HYAL2: variants seen among roughly 807,000 people sequenced by gnomAD.
HYAL2 encodes hyaluronidase 2.
Under a neutral mutation model 35.4 loss-of-function variants are expected in HYAL2, and 30 were observed. The observed-to-expected ratio is 0.85, with a 90% CI of 0.63 to 1.15. The LOEUF is 1.15. Ranked by LOEUF, HYAL2 falls within the 50% of genes most tolerant of loss-of-function variation. The pLI, the probability that HYAL2 is intolerant of heterozygous loss-of-function variation, is 0.00. For missense variants in HYAL2, 635 were observed against 646.5 expected, an observed-to-expected ratio of 0.98 and a Z score of 0.19; for synonymous variants, 262 against 252.8, an observed-to-expected ratio of 1.04 and a Z score of -0.34.
At position 50,319,913 on chromosome 3, in the gene HYAL2, A is replaced by G. The variant is rs781958120; in HGVS notation, c.577T>C (p.Tyr193His). 1 of 1,613,736 alleles carries G rather than the reference A, an allele frequency of 6.2e-7. No homozygotes were observed. Among genetic ancestry groups the G allele is most frequent in the Non-Finnish European group, 8.5e-7 (1 of 1,180,040 alleles). Residue 193 changes from tyrosine to histidine, a missense_variant, in exon 2 of 4, where the codon TAT (tyrosine) becomes CAT (histidine). By Grantham distance (83) the Tyr-to-His change is moderately conservative (BLOSUM62 2). Coordinates refer to ENST00000357750, the MANE Select transcript of HYAL2 (RefSeq NM_003773.5). Reference protein sequence around the residue: ...AQQFMLETLRYVKAVRPRHLW... With the variant: ...AQQFMLETLRHVKAVRPRHLW... ...TGCCGGGGCCGCACTGCCTTGACAT[A>G]ACGCAGTGTCTCCAGCATGAACTGC...
chr3:50,319,431 G>C (rs782571151), intron 2 of HYAL2, 138 bp downstream of exon 2: 1 of 749,080 alleles, frequency 1.3e-6, no homozygotes, highest in African/African-American at 1.8e-5. Flanking sequence ...ACCCTTTCAG[G>C]TTATAGACAG....
chr3:50,319,811 AGCG>A lies in HYAL2; in HGVS notation c.676_678del (p.Arg226del). On this transcript the variant is annotated inframe_deletion, in exon 2 of 4. Transcript: ENST00000357750. ...TTGCGGGCCACCTCAACATCAGGGC[AGCG>A]GCCTGTGTAGCTCTCCCAGTTCTGC... 1 of 1,613,790 alleles carries A rather than the reference AGCG, an allele frequency of 6.2e-7. No individual in the cohort carries two copies. The highest frequency in any genetic ancestry group is 8.5e-7 in the Non-Finnish European group (1 of 1,180,030).
chr3:50,318,433 T>C lies in HYAL2; in HGVS notation c.1118A>G (p.His373Arg), dbSNP rs782253003. 1 of 1,613,188 alleles carries C rather than the reference T, an allele frequency of 6.2e-7. No homozygotes were observed. The highest frequency in any genetic ancestry group is 1.1e-5 in the South Asian group (1 of 91,086). ...QYCSRAQCHG[H>R]GRCVRRNPSA... ...GGGGTTGCGGCGCACACAGCGCCCATGGCCATGGCACTGGGCCCGGCTGCA... is the reference window on the plus strand; with the variant it reads ...GGGGTTGCGGCGCACACAGCGCCCACGGCCATGGCACTGGGCCCGGCTGCA... The change falls in exon 4 of 4, where the codon CAT becomes CGT. Residue 373 changes from histidine (H) to arginine (R), a missense_variant. Coordinates refer to ENST00000357750, the MANE Select transcript of HYAL2 (RefSeq NM_003773.5). This position sits in a 1 kb window ranked among gnomAD's most constrained non-coding sequence, Gnocchi z 4.5.
Position 50,318,443 on chromosome 3 carries a change from A to C in HYAL2, c.1108T>G (p.Cys370Gly), listed in dbSNP as rs1017282449. 6.2e-7 allele frequency: 1 copy of C among 1,613,198 alleles called. No individual in the cohort carries two copies. Among genetic ancestry groups the C allele is most frequent in the Non-Finnish European group, 8.5e-7 (1 of 1,180,014 alleles). The change falls in exon 4 of 4, where the codon TGC becomes GGC. Residue 370 changes from cysteine to glycine, a missense_variant. Physicochemically the swap from Cys to Gly is radical, Grantham distance 159. Coordinates refer to ENST00000357750, the MANE Select transcript of HYAL2 (RefSeq NM_003773.5). This position sits in a 1 kb window ranked among gnomAD's most constrained non-coding sequence, Gnocchi z 4.5. ...WATQYCSRAQCHGHGRCVRRN... is the reference protein window; with the variant it reads ...WATQYCSRAQGHGHGRCVRRN... The stretch of plus-strand genomic sequence containing the variant: ...CGCACACAGCGCCCATGGCCATGGC[A>C]CTGGGCCCGGCTGCAATATTGGGTG...
In HYAL2 at chr3:50,317,933, G is replaced by A; in HGVS notation, c.*196C>T. On this transcript the variant is annotated 3_prime_UTR_variant, in exon 4 of 4. Transcript: ENST00000357750. ...CTGTACCCTCCTTCCCCTCTGGCAG[G>A]GAGAGAAGGGGCCTCCCAGGGACTT... 3.6e-6 allele frequency: 2 copies of A among 548,218 alleles called. No homozygotes were observed. Among genetic ancestry groups the A allele is most frequent in the Non-Finnish European group, 6.4e-6 (2 of 312,134 alleles). 34.0% of individuals were successfully genotyped at this position (548,218 alleles called of 1,614,324 possible).
At position 50,320,579 on chromosome 3, in the gene HYAL2, G is replaced by A. The variant is rs980530904; in HGVS notation, c.-46-44C>T. On this transcript the variant is annotated intron_variant, in intron 1 of 3. Coordinates refer to ENST00000357750, the MANE Select transcript of HYAL2 (RefSeq NM_003773.5). This position sits in a 1 kb window ranked among gnomAD's most constrained non-coding sequence, Gnocchi z 4.8. ...AGAACAAGTCAGTCTAGGGAATACTGGAAGTGCCCACCTCAAGCCCATCTA... is the reference window on the plus strand; with the variant it reads ...AGAACAAGTCAGTCTAGGGAATACTAGAAGTGCCCACCTCAAGCCCATCTA... 4.1e-6 allele frequency: 5 copies of A among 1,205,260 alleles called. No individual in the cohort carries two copies. In the East Asian group the frequency reaches 1.0e-4, roughly 25 times the overall value. The allele number at this position is 1,205,260 out of a possible 1,614,324, so 74.7% of individuals were successfully genotyped here.
At position 50,318,935 on chromosome 3, in the gene HYAL2, G is replaced by A. The variant is rs1553715996; in HGVS notation, c.1011+21C>T. The A allele has an allele frequency of 2.5e-6, 4 of 1,604,646 alleles. No homozygotes were observed. The East Asian group carries it at 6.7e-5, about 27-fold the overall frequency. On this transcript the variant is annotated intron_variant, in intron 3 of 3. Coordinates refer to ENST00000357750, the MANE Select transcript of HYAL2 (RefSeq NM_003773.5). This position sits in a 1 kb window ranked among gnomAD's most constrained non-coding sequence, Gnocchi z 4.5. Reference sequence around the variant, plus strand: ...CTGTCTGTCCCATAGACTGAGCTCTGGCAGGCTGGGTCTCGCTTACCGTGC... The same window carrying A: ...CTGTCTGTCCCATAGACTGAGCTCTAGCAGGCTGGGTCTCGCTTACCGTGC...
In HYAL2 at chr3:50,318,197, C is replaced by G; in HGVS notation, c.1354G>C (p.Ala452Pro). 1 of 1,612,482 alleles carries G rather than the reference C, an allele frequency of 6.2e-7. No individual in the cohort carries two copies. Among genetic ancestry groups the G allele is most frequent in the South Asian group, 1.1e-5 (1 of 90,958 alleles). The part of the protein sequence containing the change: ...HRQAAGGASE[A>P]WAGSHLTSLL... ...CTGGTGAGGTGGGACCCAGCCCAGG[C>G]CTCGCTGGCACCTCCAGCTGCCTGC... is the stretch of plus-strand genomic sequence containing the variant. Residue 452 changes from alanine to proline, a missense_variant, in exon 4 of 4, where the codon GCC (alanine) becomes CCC (proline). Physicochemically the swap from Ala to Pro is conservative, Grantham distance 27. Transcript: ENST00000357750. The surrounding 1 kb of genome is among the most constrained non-coding windows in gnomAD (Gnocchi z 4.5).
rs1553716425 is a variant in HYAL2, at chr3:50,320,256, G to A, written c.234C>T (p.Phe78=). The A allele has an allele frequency of 3.1e-6, 5 of 1,614,062 alleles. No individual in the cohort carries two copies. The highest frequency in any genetic ancestry group is 4.2e-6 in the Non-Finnish European group (5 of 1,180,036). The part of the protein sequence containing the change: ...EGFVNQNITI[F]YRDRLGLYPR... Reference sequence around the variant, plus strand: ...GATACAGGCCTAGACGGTCGCGGTAGAAGATGGTAATATTCTGGTTCACAA... The same window carrying A: ...GATACAGGCCTAGACGGTCGCGGTAAAAGATGGTAATATTCTGGTTCACAA... The change falls in exon 2 of 4, where the codon TTC becomes TTT. Residue 78 remains phenylalanine, a synonymous_variant. Transcript: ENST00000357750. This position sits in a 1 kb window ranked among gnomAD's most constrained non-coding sequence, Gnocchi z 4.8.
chr3:50,317,923 C>T lies in HYAL2; in HGVS notation c.*206G>A, dbSNP rs1702592023. 1.9e-6 allele frequency: 1 copy of T among 529,806 alleles called. No homozygotes were observed. Among genetic ancestry groups the T allele is most frequent in the Non-Finnish European group, 3.3e-6 (1 of 298,850 alleles). 32.8% of individuals were successfully genotyped at this position (529,806 alleles called of 1,614,324 possible). On this transcript the variant is annotated 3_prime_UTR_variant, in exon 4 of 4. Coordinates refer to ENST00000357750, the MANE Select transcript of HYAL2 (RefSeq NM_003773.5). ...CCCAGCCCAGCTGTACCCTCCTTCC[C>T]CTCTGGCAGGGAGAGAAGGGGCCTC...
rs1245206573 is a variant in HYAL2, at chr3:50,320,111, C to G, written c.379G>C (p.Ala127Pro). 1 of 1,613,804 alleles carries G rather than the reference C, an allele frequency of 6.2e-7. No individual in the cohort carries two copies. The change falls in exon 2 of 4, where the codon GCG (alanine) becomes CCG (proline). Residue 127 changes from alanine to proline, a missense_variant. Transcript: ENST00000357750. The surrounding 1 kb of genome is among the most constrained non-coding windows in gnomAD (Gnocchi z 4.8). The part of the protein sequence containing the change: ...VEHYIRTQES[A>P]GLAVIDWEDW... ...TCCCAGTCGATGACCGCCAGCCCCG[C>G]AGACTCCTGTGTCCGAATGTAGTGC...
Position 50,318,818 on chromosome 3 carries a change from T to C in HYAL2, c.1011+138A>G. ...GAGCAGGGCCGGGGTGACCTCCTCCTGTTGCCACCAGGGATGCCTCGGGTG... is the reference window on the plus strand; with the variant it reads ...GAGCAGGGCCGGGGTGACCTCCTCCCGTTGCCACCAGGGATGCCTCGGGTG... On this transcript the variant is annotated intron_variant, in intron 3 of 3. Transcript: ENST00000357750. The surrounding 1 kb of genome is among the most constrained non-coding windows in gnomAD (Gnocchi z 4.5). The C allele has an allele frequency of 2.5e-6, 2 of 794,510 alleles. No individual in the cohort carries two copies. The highest frequency in any genetic ancestry group is 5.0e-5 in the East Asian group (2 of 40,028). 49.2% of individuals were successfully genotyped at this position (794,510 alleles called of 1,614,324 possible). A position where few individuals can be genotyped will look rare whatever the true frequency, so the allele number is the denominator to read the frequency against.
At position 50,319,916 on chromosome 3, in the gene HYAL2, G is replaced by A. The variant is rs782059591; in HGVS notation, c.574C>T (p.Arg192Cys). 9 of 1,613,546 alleles carry A rather than the reference G, an allele frequency of 5.6e-6. No individual in the cohort carries two copies. The highest frequency in any genetic ancestry group is 6.8e-6 in the Non-Finnish European group (8 of 1,180,046). The change falls in exon 2 of 4, where the codon CGT becomes TGT. Residue 192 changes from arginine to cysteine, a missense_variant. By Grantham distance (180) the Arg-to-Cys change is radical. Transcript: ENST00000357750. ...CGGGGCCGCACTGCCTTGACATAACGCAGTGTCTCCAGCATGAACTGCTGT... is the reference window on the plus strand; with the variant it reads ...CGGGGCCGCACTGCCTTGACATAACACAGTGTCTCCAGCATGAACTGCTGT... Reference protein sequence around the residue: ...AAQQFMLETLRYVKAVRPRHL... With the variant: ...AAQQFMLETLCYVKAVRPRHL...
rs928182995 is a variant in HYAL2, at chr3:50,318,485, C to T, written c.1066G>A (p.Val356Ile). The T allele has an allele frequency of 1.2e-6, 2 of 1,612,542 alleles. No homozygotes were observed. The highest frequency in any genetic ancestry group is 1.3e-5 in the African/African-American group (1 of 75,060). The change falls in exon 4 of 4, where the codon GTC becomes ATC. Residue 356 changes from valine to isoleucine, a missense_variant. Coordinates refer to ENST00000357750, the MANE Select transcript of HYAL2 (RefSeq NM_003773.5). The surrounding 1 kb of genome is among the most constrained non-coding windows in gnomAD (Gnocchi z 4.5). ...TATTGGGTGGCCCAGGACACATTGA[C>T]CACGTAGGGGACCAGCAGCCGTGTC... ...YLTRLLVPYV[V>I]NVSWATQYCS...
rs1553715945 is a variant in HYAL2 at position 50,318,606 on chromosome 3, CTG to C, written c.1012-69_1012-68del. On this transcript the variant is annotated intron_variant, in intron 3 of 3. Transcript: ENST00000357750. The surrounding 1 kb of genome is among the most constrained non-coding windows in gnomAD (Gnocchi z 4.5). The stretch of plus-strand genomic sequence containing the variant: ...CTCAGCCCACAGGCCCAGATGGAAA[CTG>C]TGTCCACACTGTGATGACTATACCT... 4 of 1,406,512 alleles carry C rather than the reference CTG, an allele frequency of 2.8e-6. No individual in the cohort carries two copies. Among genetic ancestry groups the C allele is most frequent in the African/African-American group, 1.4e-5 (1 of 69,840 alleles). The allele number at this position is 1,406,512 out of a possible 1,614,324, so 87.1% of individuals were successfully genotyped here. A position where few individuals can be genotyped will look rare whatever the true frequency, so the allele number is the denominator to read the frequency against.
At position 50,318,139 on chromosome 3, in the gene HYAL2, C is replaced by A. The variant is rs1202712792; in HGVS notation, c.1412G>T (p.Trp471Leu). 2.2e-5 allele frequency: 35 copies of A among 1,566,044 alleles called. No individual in the cohort carries two copies. In the Admixed American group the frequency reaches 2.3e-4, roughly 10 times the overall value. ...LLALAALAFT[W>L]TL is the part of the protein sequence containing the mutation. Reference sequence around the variant, plus strand: ...CTAGGCAGGAGACCCCTACAAGGTCCAGGTAAAGGCCAGGGCTGCCAGAGC... The same window carrying A: ...CTAGGCAGGAGACCCCTACAAGGTCAAGGTAAAGGCCAGGGCTGCCAGAGC... The change falls in exon 4 of 4, where the codon TGG (tryptophan) becomes TTG (leucine). Residue 471 changes from tryptophan to leucine, a missense_variant. By Grantham distance (61) the Trp-to-Leu change is moderately conservative. Transcript: ENST00000357750. The surrounding 1 kb of genome is among the most constrained non-coding windows in gnomAD (Gnocchi z 4.5).
At position 50,319,988 on chromosome 3, in the gene HYAL2, G is replaced by A. The variant is rs201601414; in HGVS notation, c.502C>T (p.Pro168Ser). 68 of 1,613,294 alleles carry A rather than the reference G, an allele frequency of 4.2e-5. No individual in the cohort carries two copies. The highest frequency in any genetic ancestry group is 5.7e-5 in the Non-Finnish European group (67 of 1,180,052). Residue 168 changes from proline to serine, a missense_variant, in exon 2 of 4, where the codon CCA becomes TCA. Pro to Ser is a moderately conservative substitution (Grantham distance 74). Coordinates refer to ENST00000357750, the MANE Select transcript of HYAL2 (RefSeq NM_003773.5). ...LVASRHPDWP[P>S]DRIVKQAQYE... ...TGTGCCTGTTTGACTATGCGGTCTG[G>A]AGGCCAGTCAGGGTGACGACTGGCC...
Position 50,318,016 on chromosome 3 carries a change from T to C in HYAL2, c.*113A>G. 1 of 1,216,696 alleles carries C rather than the reference T, an allele frequency of 8.2e-7. No individual in the cohort carries two copies. 75.4% of individuals were successfully genotyped at this position (1,216,696 alleles called of 1,614,324 possible). A position where few individuals can be genotyped will look rare whatever the true frequency, so the allele number is the denominator to read the frequency against. On this transcript the variant is annotated 3_prime_UTR_variant, in exon 4 of 4. Coordinates refer to ENST00000357750, the MANE Select transcript of HYAL2 (RefSeq NM_003773.5). The surrounding 1 kb of genome is among the most constrained non-coding windows in gnomAD (Gnocchi z 4.5). Reference sequence around the variant, plus strand: ...GGTATGGATGCCCTCCTGGGCTTCCTGGGGGCTCTGCCCACTCCAGACTCC... The same window carrying C: ...GGTATGGATGCCCTCCTGGGCTTCCCGGGGGCTCTGCCCACTCCAGACTCC...
At chr3:50,321,635 G>GC (rs1445614923) in intron 1 of HYAL2, 1 of 152,110 alleles carries the variant, frequency 6.6e-6, no homozygotes, top group Non-Finnish European at 1.5e-5. Flanking sequence ...GGACGTGGCC[G>GC]CCCATTTAGG....
Sources: allele counts gnomAD v4.1 joint callset, GRCh38; gene constraint gnomAD v4.1.1; non-coding constraint Gnocchi (gnomAD v3.1); transcripts MANE v1.5; gene names NCBI Gene and HGNC (gene_info 2026-07-23, HGNC 2026-07-21).